Variants in FAM161B observed in about 807,000 individuals in gnomAD.
The protein encoded by FAM161B is protein FAM161B.
A neutral mutation model predicts 61.5 loss-of-function variants in FAM161B; 46 were observed. The ratio of observed to expected loss-of-function variants is 0.75; its 90% confidence interval spans 0.59 to 0.96. The LOEUF (loss-of-function observed/expected upper bound fraction) is 0.96. Ranked by LOEUF, FAM161B falls within the 40% of genes least tolerant of loss-of-function variation. The pLI is 0.00. For missense variants in FAM161B, 774 were observed against 800.7 expected, an observed-to-expected ratio of 0.97 and a Z score of 0.40; for synonymous variants, 284 against 302.7, an observed-to-expected ratio of 0.94 and a Z score of 0.64.
chr14:73,935,323 C>T (rs528559307), intron 8 of FAM161B, among the ~76,000 whole-genome samples: 22 of 151,940 alleles, frequency 1.4e-4, no homozygotes, highest in South Asian at 1.0e-3. Flanking sequence ...GTGAGGAGAT[C>T]GAGACCATCC....
At position 73,934,116 on chromosome 14, in the gene FAM161B, C is replaced by T. The variant is rs1263342263; in HGVS notation, c.*140G>A. 40 of 1,035,946 alleles carry T rather than the reference C, an allele frequency of 3.9e-5. 1 individual carries two copies. Among genetic ancestry groups the T allele is most frequent in the Non-Finnish European group, 5.5e-5 (40 of 729,264 alleles). 64.2% of individuals were successfully genotyped at this position (1,035,946 alleles called of 1,614,324 possible). The stretch of plus-strand genomic sequence containing the variant: ...GGATTACAGGCGTGAGCCACTGCGC[C>T]TGGCCTGTTAATCTGCTACTCTTCA... On this transcript the variant is annotated 3_prime_UTR_variant, in exon 9 of 9. Transcript: ENST00000286544.
chr14:73,942,803 G>GT, intron 3 of FAM161B, 88 bp from the exon 4 acceptor site: 1 of 1,232,586 alleles, frequency 8.1e-7, no homozygotes, highest in East Asian at 2.4e-5. Flanking sequence ...CACACTAGCT[G>GT]TAAGTGTTAC....
At chr14:73,942,737 G>T in intron 3 of FAM161B, 22 bp from the exon 4 acceptor site, 1 of 1,596,954 alleles carries the variant, frequency 6.3e-7, no homozygotes, top group South Asian at 1.1e-5. Flanking sequence ...GGATGGTGAT[G>T]GGTAAGAAAG....
In FAM161B at chr14:73,937,681, GCT is replaced by G; in HGVS notation, c.1584_1585del (p.Arg528SerfsTer5). ...CTCCAGTTCTTTCTTATATTCTTTC[GCT>G]CTTTTACGGTCATTGTTCCTGGAAT... is the stretch of plus-strand genomic sequence containing the variant. On this transcript the variant is annotated frameshift_variant, in exon 7 of 9. Transcript: ENST00000286544. LOFTEE classifies it high-confidence loss of function. The G allele has an allele frequency of 6.2e-7, 1 of 1,613,836 alleles. No homozygotes were observed. The highest frequency in any genetic ancestry group is 8.5e-7 in the Non-Finnish European group (1 of 1,179,982).
chr14:73,947,881 C>T (rs1168675719), intron 1 of FAM161B, among the ~76,000 whole-genome samples: 3 of 151,864 alleles, frequency 2.0e-5, no homozygotes, highest in East Asian at 1.9e-4. Flanking sequence ...TGGAATGGTG[C>T]TGTCATGAAG....
intron 3 of FAM161B, among the ~76,000 whole-genome samples, chr14:73,943,691 G>C (rs2056038341): frequency 6.6e-6 from 1 of 152,280 alleles, no homozygotes; most frequent in South Asian, 2.1e-4. Flanking sequence ...CAATCCCCGG[G>C]TTAGGTCCCT....
At chr14:73,926,882 C>T (rs977982956), downstream of FAM161B, among the ~76,000 whole-genome samples, 2 of 152,124 alleles carry the variant, frequency 1.3e-5, no homozygotes, top group Non-Finnish European at 2.9e-5. Context: ...AATTTTTCCC[C>T]CTTGGCAAGA....
rs147305070 is a variant in FAM161B at position 73,932,800 on chromosome 14, GT to G, written c.*1455del. ...CCACCAGTCCAGCTAACTTTTTGTG[GT>G]TTTTTTGGTAGAAATGAGGTCTGTG... On this transcript the variant is annotated 3_prime_UTR_variant, in exon 9 of 9. Coordinates refer to ENST00000286544, the MANE Select transcript of FAM161B (RefSeq NM_152445.3). The G allele has an allele frequency of 3.3e-3, 703 of 214,150 alleles. 7 individuals are homozygous for G. The highest frequency in any genetic ancestry group is 0.016 in the African/African-American group (679 of 42,844). The allele number at this position is 214,150 out of a possible 1,614,324, so 13.3% of individuals were successfully genotyped here. A position where few individuals can be genotyped will look rare whatever the true frequency, so the allele number is the denominator to read the frequency against.
At chr14:73,945,960 T>C (rs774860140) in intron 2 of FAM161B, among the ~76,000 whole-genome samples, 1 of 152,126 alleles carries the variant, frequency 6.6e-6, no homozygotes, top group South Asian at 2.1e-4. Flanking sequence ...CAGGCTGGTC[T>C]CGAATTCCTG....
chr14:73,944,985 T>C, intron 2 of FAM161B, 100 bp from the exon 3 acceptor site: 1 of 1,055,026 alleles, frequency 9.5e-7, no homozygotes. Context: ...TGGTCACAGC[T>C]GGCTGCTCAG....
chr14:73,936,516 G>T (rs1204304554), intron 7 of FAM161B, among the ~76,000 whole-genome samples: 1 of 152,190 alleles, frequency 6.6e-6, no homozygotes, highest in African/African-American at 2.4e-5. Context: ...GCTACACCAA[G>T]ACTCTTAGTG....
Position 73,946,598 on chromosome 14 carries a change from G to C in FAM161B, c.62C>G (p.Pro21Arg). The change falls in exon 2 of 9, where the codon CCC becomes CGC. Residue 21 changes from proline (P) to arginine (R), a missense_variant. Transcript: ENST00000286544. ...CTCTGTGTCTGCGAAGGACTCGGGG[G>C]GAAATATCTAAAATAGAATAGAAAT... ...GGAEGSRQIFPPESFADTEAG... is the reference protein window; with the variant it reads ...GGAEGSRQIFRPESFADTEAG... 6.2e-7 allele frequency: 1 copy of C among 1,612,428 alleles called. No individual in the cohort carries two copies. Among genetic ancestry groups the C allele is most frequent in the Non-Finnish European group, 8.5e-7 (1 of 1,178,848 alleles).
At chr14:73,943,797 A>T (rs1179361896) in intron 3 of FAM161B, among the ~76,000 whole-genome samples, 1 of 149,208 alleles carries the variant, frequency 6.7e-6, no homozygotes, top group African/African-American at 2.5e-5. Flanking sequence ...ACATATCTAC[A>T]AACTCCATGT....
At chr14:73,930,638 C>T (rs1000820479), downstream of FAM161B, among the ~76,000 whole-genome samples, 10 of 151,956 alleles carry the variant, frequency 6.6e-5, no homozygotes, top group Non-Finnish European at 1.2e-4. Context: ...CAGTCTGTCA[C>T]TCAGGCTGGA....
the FAM161B span, among the ~76,000 whole-genome samples, chr14:73,923,918 T>C: frequency 6.6e-6 from 1 of 152,196 alleles, no homozygotes; most frequent in African/African-American, 2.4e-5. Context: ...GGGTGAAATT[T>C]CTGTACCAGA....
downstream of FAM161B, chr14:73,931,916 A>G: frequency 2.2e-6 from 1 of 457,100 alleles, no homozygotes; most frequent in South Asian, 1.6e-5. Flanking sequence ...GTCTTTTCAC[A>G]TGGATGAAAT....
chr14:73,942,863 G>A (rs2056031860), intron 3 of FAM161B, 148 bp from the exon 4 acceptor site: 5 of 656,460 alleles, frequency 7.6e-6, no homozygotes, highest in Non-Finnish European at 1.3e-5. Context: ...AACATCCTGT[G>A]AGATGCCTGC....
intron 7 of FAM161B, among the ~76,000 whole-genome samples, 168 bp from the exon 8 acceptor site, chr14:73,936,256 T>C (rs978831685): frequency 1.3e-5 from 2 of 152,232 alleles, no homozygotes; most frequent in African/African-American, 2.4e-5. Flanking sequence ...TTAATGTGTA[T>C]ATAAATCACC....
chr14:73,935,851 C>A, intron 8 of FAM161B, 98 bp downstream of exon 8: 1 of 1,343,510 alleles, frequency 7.4e-7, no homozygotes, highest in Non-Finnish European at 1.0e-6. Context: ...GGATTATGAT[C>A]TCAAAATACC....
Sources: allele counts gnomAD v4.1 joint callset (sites outside exome capture counted in the v4.1 genomes callset), GRCh38; gene constraint gnomAD v4.1.1; transcripts MANE v1.5; gene names NCBI Gene and HGNC (gene_info 2026-07-23, HGNC 2026-07-21).